KDR: variants seen among roughly 807,000 people sequenced by gnomAD.
The protein encoded by KDR is vascular endothelial growth factor receptor 2.
Under a neutral mutation model 160.9 loss-of-function variants are expected in KDR, and 43 were observed. The ratio of observed to expected loss-of-function variants is 0.27; its 90% confidence interval spans 0.21 to 0.34. The LOEUF is 0.34. KDR is among the 10% of genes least tolerant of loss of function. KDR has a pLI of 1.00. For synonymous variants in KDR, 617 were observed against 600.1 expected (o/e 1.03, Z -0.41); for missense variants, 1,469 against 1,666.4 (o/e 0.88, Z 2.06).
intron 16 of KDR, 30 bp downstream of exon 16, chr4:55,098,667 G>T (rs2110017974): frequency 2.0e-6 from 3 of 1,508,544 alleles, no homozygotes; most frequent in African/African-American, 2.7e-5. Flanking sequence ...AAACCAATGT[G>T]CATGGGCAGA....
Position 55,110,571 on chromosome 4 carries a change from G to T in KDR, c.1092-5C>A. On this transcript the variant is annotated splice_polypyrimidine_tract_variant and splice_region_variant and intron_variant, in intron 8 of 29. Coordinates refer to ENST00000263923, the MANE Select transcript of KDR (RefSeq NM_002253.4). ...AGGGGTATTCCATTTTTATACCTAT[G>T]AAAAAAAATTCTCAGGAATTAGTAT... 1 of 1,613,176 alleles carries T rather than the reference G, an allele frequency of 6.2e-7. No homozygotes were observed. Among genetic ancestry groups the T allele is most frequent in the African/African-American group, 1.3e-5 (1 of 74,866 alleles).
At chr4:55,099,175 C>T (rs997301956) in intron 15 of KDR, among the ~76,000 whole-genome samples, 2 of 152,022 alleles carry the variant, frequency 1.3e-5, no homozygotes, top group Non-Finnish European at 2.9e-5. Flanking sequence ...ACCACCAAGC[C>T]CAGCTAATTT....
intron 1 of KDR, among the ~76,000 whole-genome samples, chr4:55,122,092 T>C (rs1720895201): frequency 6.6e-6 from 1 of 152,184 alleles, no homozygotes; most frequent in Non-Finnish European, 1.5e-5. Flanking sequence ...TCTGAACTTA[T>C]TCATCAAAGC....
At chr4:55,107,063 G>A (rs1023583757) in intron 10 of KDR, among the ~76,000 whole-genome samples, 2 of 152,120 alleles carry the variant, frequency 1.3e-5, no homozygotes, top group Non-Finnish European at 1.5e-5. Context: ...AAATTGGATC[G>A]ACAAGACAAT....
chr4:55,099,011 A>C (rs1286252183), intron 15 of KDR, among the ~76,000 whole-genome samples: 1 of 149,794 alleles, frequency 6.7e-6, no homozygotes, highest in Non-Finnish European at 1.5e-5. Context: ...TTATTTATTT[A>C]TTTATTTATT....
chr4:55,106,642 C>T (rs1560519886), intron 11 of KDR, 45 bp downstream of exon 11: 6 of 1,351,926 alleles, frequency 4.4e-6, no homozygotes, highest in East Asian at 2.3e-5. Context: ...ACCATCCTTC[C>T]ATTAAAGAGA....
At chr4:55,106,330 T>C (rs1445844896) in intron 11 of KDR, among the ~76,000 whole-genome samples, 2 of 152,334 alleles carry the variant, frequency 1.3e-5, no homozygotes, top group African/African-American at 4.8e-5. Context: ...TCAATTTGTA[T>C]AATTATGCTG....
At chr4:55,106,832 GC>G (rs774034637) in intron 10 of KDR, 22 bp from the exon 11 acceptor site, 23 of 1,592,746 alleles carry the variant, frequency 1.4e-5, no homozygotes, top group Non-Finnish European at 1.9e-5. Flanking sequence ...AGATAACAGC[GC>G]ATATTATGAT....
chr4:55,099,583 G>A (rs1720258793), intron 15 of KDR, among the ~76,000 whole-genome samples: 1 of 152,162 alleles, frequency 6.6e-6, no homozygotes, highest in Admixed American at 6.5e-5. Context: ...TTTGCAAAAG[G>A]ATCACATAAG....
intron 5 of KDR, 116 bp downstream of exon 5, chr4:55,114,758 C>A (rs1720690053): frequency 1.1e-6 from 1 of 913,126 alleles, no homozygotes; most frequent in Non-Finnish European, 1.8e-6. Context: ...AATTGCCCAA[C>A]ACCATATCCT....
chr4:55,106,419 C>T (rs1720446962), intron 11 of KDR, among the ~76,000 whole-genome samples: 1 of 152,138 alleles, frequency 6.6e-6, no homozygotes, highest in Non-Finnish European at 1.5e-5. Context: ...ATATGATACA[C>T]ATTTTTTCAT....
Position 55,125,355 on chromosome 4 carries a change from T to C in KDR, c.-62A>G. The C allele has an allele frequency of 6.5e-7, 1 of 1,537,762 alleles. No homozygotes were observed. The highest frequency in any genetic ancestry group is 8.8e-7 in the Non-Finnish European group (1 of 1,132,676). Reference sequence around the variant, plus strand: ...GGAGCCGGTTCTTTCTCCCAGCGCCTGTCTAGAGAAGGAGGCGCGGAGGTG... The same window carrying C: ...GGAGCCGGTTCTTTCTCCCAGCGCCCGTCTAGAGAAGGAGGCGCGGAGGTG... On this transcript the variant is annotated 5_prime_UTR_variant, in exon 1 of 30. Transcript: ENST00000263923.
At chr4:55,116,817 G>T (rs1321867359) in intron 3 of KDR, among the ~76,000 whole-genome samples, 3 of 152,190 alleles carry the variant, frequency 2.0e-5, no homozygotes, top group African/African-American at 7.2e-5. Context: ...AATGGGGTCA[G>T]AAGACTAGGG....
At chr4:55,084,961 T>C (rs1250978273) in intron 27 of KDR, among the ~76,000 whole-genome samples, 1 of 152,200 alleles carries the variant, frequency 6.6e-6, no homozygotes, top group East Asian at 1.9e-4. Context: ...AATACCTAGC[T>C]AGCAGGCTGC....
At chr4:55,097,520 T>A (rs1218645023) in intron 18 of KDR, 142 bp downstream of exon 18, 2 of 633,774 alleles carry the variant, frequency 3.2e-6, no homozygotes, top group African/African-American at 3.6e-5. Context: ...CTTTTTCCAA[T>A]TTGCACAAGG....
intron 15 of KDR, among the ~76,000 whole-genome samples, chr4:55,099,144 T>C (rs1720246349): frequency 1.3e-5 from 2 of 151,918 alleles, no homozygotes; most frequent in Admixed American, 6.6e-5. Context: ...GCCTCCCGAG[T>C]AGCTGGGACT....
At chr4:55,090,162 A>T (rs1578128523) in intron 22 of KDR, 84 bp from the exon 23 acceptor site, 2 of 1,517,332 alleles carry the variant, frequency 1.3e-6, no homozygotes, top group East Asian at 2.3e-5. Context: ...TCAAAAAAAA[A>T]TCCCACATCA....
At chr4:55,115,851 GCT>G (rs1384672236) in intron 3 of KDR, among the ~76,000 whole-genome samples, 1 of 152,058 alleles carries the variant, frequency 6.6e-6, no homozygotes, top group East Asian at 1.9e-4. Context: ...ATACTCATGT[GCT>G]CTCTCTTTAG....
Position 55,110,558 on chromosome 4 carries a change from T to C in KDR, c.1100A>G (p.Asn367Ser), listed in dbSNP as rs2110027632. ...YPPPEIKWYK[N>S]GIPLESNHTI... The stretch of plus-strand genomic sequence containing the variant: ...GTGATTGGACTCAAGGGGTATTCCA[T>C]TTTTATACCTATGAAAAAAAATTCT... Residue 367 changes from asparagine (N) to serine (S), a missense_variant, in exon 9 of 30, where the codon AAT becomes AGT. Physicochemically the swap from Asn to Ser is conservative, Grantham distance 46 (BLOSUM62 1). Transcript: ENST00000263923. 2 of 1,613,896 alleles carry C rather than the reference T, an allele frequency of 1.2e-6. No homozygotes were observed. Among genetic ancestry groups the C allele is most frequent in the East Asian group, 2.2e-5 (1 of 44,868 alleles).
Sources: gnomAD v4.1 joint callset for allele counts (sites outside exome capture counted in the v4.1 genomes callset) on GRCh38, gnomAD v4.1.1 for gene constraint, MANE v1.5 for transcripts, NCBI Gene and HGNC (gene_info 2026-07-23, HGNC 2026-07-21) for gene names.